The following ZC3H14 variants were observed in gnomAD, a reference collection of about 807,000 sequenced individuals.
ZC3H14 encodes the protein zinc finger CCCH domain-containing protein 14.
Under a neutral mutation model 92.4 loss-of-function variants are expected in ZC3H14, and 31 were observed. That is an observed-to-expected ratio of 0.34 (90% CI 0.25 to 0.45). The LOEUF (loss-of-function observed/expected upper bound fraction) is 0.45, where lower values mean the gene tolerates loss of function less well. Ranked by LOEUF, ZC3H14 falls within the 20% of genes least tolerant of loss-of-function variation. The pLI, the probability that ZC3H14 is intolerant of heterozygous loss-of-function variation, is 1.00. For synonymous variants in ZC3H14, 321 were observed against 300.9 expected, an observed-to-expected ratio of 1.07 and a Z score of -0.69; for missense variants, 781 against 897.3, an observed-to-expected ratio of 0.87 and a Z score of 1.66.
At chr14:88,594,942 T>TA in intron 9 of ZC3H14, 1 of 1,613,936 alleles carries the variant, frequency 6.2e-7, no homozygotes. Flanking sequence ...ATCTAAATGT[T>TA]AGAGTGTCCA....
At chr14:88,600,185 C>T (rs376291350) in intron 10 of ZC3H14, among the ~76,000 whole-genome samples, 1 of 152,220 alleles carries the variant, frequency 6.6e-6, no homozygotes, top group African/African-American at 2.4e-5. Context: ...TCTCTTCCGC[C>T]TGTCTCCCTT....
chr14:88,609,523 A>T, intron 14 of ZC3H14, 120 bp downstream of exon 14: 1 of 1,511,526 alleles, frequency 6.6e-7, no homozygotes, highest in Non-Finnish European at 9.1e-7. Context: ...GGATCAGTTA[A>T]TCCAACCAGT....
At chr14:88,586,975 C>CTGTTGATTTCTTGCTGTATGTCA (rs2082544586) in intron 9 of ZC3H14, among the ~76,000 whole-genome samples, 8 of 152,024 alleles carry the variant, frequency 5.3e-5, no homozygotes, top group Admixed American at 5.2e-4. Flanking sequence ...TAGATAGTAC[C>CTGTTGATTTCTTGCTGTATGTCA]TGTTGATTTC....
intron 7 of ZC3H14, among the ~76,000 whole-genome samples, chr14:88,575,517 T>C (rs1424224097): frequency 6.6e-6 from 1 of 151,790 alleles, no homozygotes; most frequent in African/African-American, 2.4e-5. Flanking sequence ...ATGTAATGAG[T>C]CTTTGTCTCT....
chr14:88,595,244 CAA>C (rs2083655341), intron 9 of ZC3H14: 3 of 1,468,180 alleles, frequency 2.0e-6, no homozygotes, highest in Middle Eastern at 2.5e-4. Flanking sequence ...CCTTTAATGA[CAA>C]ATTTGGATTC....
At chr14:88,590,394 C>G (rs977398281) in intron 9 of ZC3H14, 2 of 153,334 alleles carry the variant, frequency 1.3e-5, no homozygotes, top group African/African-American at 4.8e-5. Flanking sequence ...GCTCTGGCTC[C>G]CCGTGCTTGC....
chr14:88,574,494 C>A, intron 6 of ZC3H14, 199 bp from the exon 7 acceptor site: 1 of 576,034 alleles, frequency 1.7e-6, no homozygotes, highest in East Asian at 3.5e-5. Context: ...CCGCCCACTT[C>A]GGCCTTCCAA....
intron 10 of ZC3H14, among the ~76,000 whole-genome samples, chr14:88,599,243 A>C (rs1050659759): frequency 7.9e-5 from 12 of 152,128 alleles, no homozygotes; most frequent in Admixed American, 5.2e-4. Flanking sequence ...TTGTGGTCTG[A>C]ATTGGATTGC....
At chr14:88,564,284 T>C (rs1381825174) in intron 2 of ZC3H14, among the ~76,000 whole-genome samples, 1 of 152,216 alleles carries the variant, frequency 6.6e-6, no homozygotes, top group Non-Finnish European at 1.5e-5. Flanking sequence ...TTTTTCCGTC[T>C]CTTTATTCTT....
Position 88,616,778 on chromosome 14 carries a change from C to G in ZC3H14, c.*5027C>G. 1 of 1,613,918 alleles carries G rather than the reference C, an allele frequency of 6.2e-7. No individual in the cohort carries two copies. The highest frequency in any genetic ancestry group is 8.5e-7 in the Non-Finnish European group (1 of 1,179,856). ...TAACTTAACCATGCCAAAGTCATCT[C>G]CTGTAACAAGACTGATTCCTGAATG... On this transcript the variant is annotated 3_prime_UTR_variant, in exon 17 of 17. Coordinates refer to ENST00000251038, the MANE Select transcript of ZC3H14 (RefSeq NM_024824.5).
chr14:88,607,615 T>TCTC (rs200372079), intron 13 of ZC3H14, among the ~76,000 whole-genome samples: 2 of 77,906 alleles, frequency 2.6e-5, no homozygotes, highest in East Asian at 5.1e-4. Flanking sequence ...GTAACTACCA[T>TCTC]CCCATCTCAC....
At chr14:88,568,895 T>G (rs1171160042) in intron 3 of ZC3H14, among the ~76,000 whole-genome samples, 2 of 152,158 alleles carry the variant, frequency 1.3e-5, no homozygotes, top group Non-Finnish European at 2.9e-5. Flanking sequence ...CTATATCTTT[T>G]TTTTTGAGAC....
At chr14:88,601,133 T>C (rs939435922) in intron 10 of ZC3H14, among the ~76,000 whole-genome samples, 6 of 152,186 alleles carry the variant, frequency 3.9e-5, no homozygotes, top group African/African-American at 1.2e-4. Flanking sequence ...TGAAATTGTA[T>C]ATGTGTCTGT....
chr14:88,605,925 C>T (rs377625396), intron 12 of ZC3H14, among the ~76,000 whole-genome samples: 72 of 152,236 alleles, frequency 4.7e-4, no homozygotes, highest in African/African-American at 1.6e-3. Context: ...AAACAGAATT[C>T]CAAAAAGTTA....
intron 9 of ZC3H14, 91 bp downstream of exon 9, chr14:88,578,231 A>AC (rs756693912): frequency 1.3e-6 from 2 of 1,486,326 alleles, no homozygotes; most frequent in Non-Finnish European, 1.9e-6. Context: ...ATATTACACT[A>AC]TGAAAAAAGT....
intron 12 of ZC3H14, among the ~76,000 whole-genome samples, chr14:88,606,747 T>TAAAAAAA (rs34408574): frequency 3.1e-5 from 3 of 95,846 alleles, no homozygotes; most frequent in Non-Finnish European, 5.8e-5. Context: ...GACCCTGTCG[T>TAAAAAAA]AAAAAAAAAA....
intron 9 of ZC3H14, chr14:88,594,869 C>G (rs375026237): frequency 6.2e-6 from 10 of 1,613,854 alleles, no homozygotes; most frequent in African/African-American, 1.3e-5. Context: ...AAAATATCAG[C>G]TGATATCAAT....
intron 9 of ZC3H14, among the ~76,000 whole-genome samples, chr14:88,593,156 C>T (rs8020692): frequency 0.23 from 35,501 of 151,758 alleles, 4,629 homozygotes; most frequent in East Asian, 0.52. Context: ...TTAGCAGAGA[C>T]GGGATTTCGC....
chr14:88,571,513 C>T (rs1006587821), intron 4 of ZC3H14, among the ~76,000 whole-genome samples: 5 of 152,040 alleles, frequency 3.3e-5, no homozygotes, highest in South Asian at 2.1e-4. Flanking sequence ...AGAATATACA[C>T]GCATAAGATA....
Sources: gnomAD v4.1 joint callset for allele counts (sites outside exome capture counted in the v4.1 genomes callset) on GRCh38, gnomAD v4.1.1 for gene constraint, MANE v1.5 for transcripts, NCBI Gene and HGNC (gene_info 2026-07-23, HGNC 2026-07-21) for gene names.